Variants in PCCA observed in about 807,000 individuals in gnomAD.
PCCA encodes the protein propionyl-CoA carboxylase alpha chain, mitochondrial.
Under a neutral mutation model 101.3 loss-of-function variants are expected in PCCA, and 74 were observed. That is an observed-to-expected ratio of 0.73 (90% CI 0.61 to 0.89). The LOEUF is 0.89. Ranked by LOEUF, PCCA falls within the 40% of genes least tolerant of loss-of-function variation. PCCA has a pLI of 0.00. For synonymous variants in PCCA, 294 were observed against 313.6 expected, an observed-to-expected ratio of 0.94 and a Z score of 0.66; for missense variants, 891 against 907.0, an observed-to-expected ratio of 0.98 and a Z score of 0.23.
At chr13:100,338,241 G>T (rs2070787317) in intron 17 of PCCA, among the ~76,000 whole-genome samples, 1 of 152,140 alleles carries the variant, frequency 6.6e-6, no homozygotes, top group South Asian at 2.1e-4. Flanking sequence ...GAGAGCTTTT[G>T]TGATTATATA....
intron 12 of PCCA, among the ~76,000 whole-genome samples, chr13:100,286,793 T>C (rs926412541): frequency 3.9e-5 from 6 of 151,976 alleles, no homozygotes; most frequent in African/African-American, 1.2e-4. Flanking sequence ...AATACTCGTA[T>C]GAAAACATAA....
At chr13:100,341,973 A>ATATATATATATATATATATATG (rs1257478273) in intron 18 of PCCA, among the ~76,000 whole-genome samples, 10,147 of 120,476 alleles carry the variant, frequency 0.084, 716 homozygotes, top group Middle Eastern at 0.13. Context: ...ATATATATAT[A>ATATATATATATATATATATATG]TATATATATG....
chr13:100,513,916 C>G (rs2086652700), intron 21 of PCCA, among the ~76,000 whole-genome samples: 2 of 152,324 alleles, frequency 1.3e-5, no homozygotes, highest in African/African-American at 2.4e-5. Flanking sequence ...GATAGGAAAA[C>G]TGTGCAATTT....
chr13:100,300,771 A>G (rs1453409175), intron 12 of PCCA, among the ~76,000 whole-genome samples: 2 of 152,228 alleles, frequency 1.3e-5, no homozygotes, highest in African/African-American at 4.8e-5. Flanking sequence ...TTGTACATAC[A>G]TATCTCATGT....
chr13:100,442,776 T>A (rs2080475296), intron 20 of PCCA, among the ~76,000 whole-genome samples: 1 of 152,166 alleles, frequency 6.6e-6, no homozygotes, highest in South Asian at 2.1e-4. Flanking sequence ...TTAGCAAGGA[T>A]GGCTAGGAAG....
chr13:100,429,447 T>C (rs2079386171), intron 20 of PCCA, among the ~76,000 whole-genome samples: 1 of 152,134 alleles, frequency 6.6e-6, no homozygotes, highest in Non-Finnish European at 1.5e-5. Flanking sequence ...ATTACTATAG[T>C]AACTGTAGGT....
intron 6 of PCCA, among the ~76,000 whole-genome samples, chr13:100,161,896 A>G (rs1566610435): frequency 1.3e-5 from 2 of 152,270 alleles, no homozygotes; most frequent in South Asian, 4.2e-4. Flanking sequence ...TCCATTTTGG[A>G]CACAGACCTT....
intron 20 of PCCA, among the ~76,000 whole-genome samples, chr13:100,438,245 C>T (rs551782640): frequency 1.6e-3 from 237 of 152,080 alleles, no homozygotes; most frequent in Middle Eastern, 3.4e-3. Flanking sequence ...GCCTCAACCT[C>T]CCAGACTCAA....
rs655862 is a variant in PCCA at position 100,247,946 on chromosome 13, A to G, written c.638-9649A>G. Among the ~76,000 whole-genome samples, 185 of 152,196 alleles carry G rather than the reference A, an allele frequency of 1.2e-3. 1 individual carries two copies. Among genetic ancestry groups the G allele is most frequent in the African/African-American group, 4.3e-3 (177 of 41,504 alleles). ...TACAGTGTATCGTGTTTCCTTGGCT[A>G]TCAAAACATAATGACCAATTTTTGT... On this transcript the variant is annotated intron_variant, in intron 8 of 23. Transcript: ENST00000376285.
Position 100,301,546 on chromosome 13 carries a change from C to G in PCCA, c.1152C>G (p.His384Gln). 1 of 1,614,068 alleles carries G rather than the reference C, an allele frequency of 6.2e-7. No individual in the cohort carries two copies. The highest frequency in any genetic ancestry group is 8.5e-7 in the Non-Finnish European group (1 of 1,179,964). ...TTGCTAAGGGCTACCCTCTCAGGCA[C>G]AAACAAGCTGATATTCGCATCAACG... The part of the protein sequence containing the change: ...IRVAKGYPLR[H>Q]KQADIRINGW... Residue 384 changes from histidine (H) to glutamine (Q), a missense_variant, in exon 13 of 24, where the codon CAC (histidine) becomes CAG (glutamine). Transcript: ENST00000376285.
intron 6 of PCCA, among the ~76,000 whole-genome samples, chr13:100,163,872 A>G (rs541286826): frequency 1.3e-5 from 2 of 151,878 alleles, no homozygotes; most frequent in African/African-American, 2.4e-5. Context: ...AAATTTATCT[A>G]TTGGATCTAT....
chr13:100,352,066 C>T (rs554539929), intron 18 of PCCA, among the ~76,000 whole-genome samples: 7 of 151,586 alleles, frequency 4.6e-5, no homozygotes, highest in South Asian at 2.1e-4. Context: ...CAATAGAAAA[C>T]GTTGATTTAA....
intron 21 of PCCA, chr13:100,490,709 G>C (rs1267066184): frequency 4.6e-5 from 7 of 152,394 alleles, no homozygotes; most frequent in African/African-American, 1.2e-4. Context: ...CTTTCTGCCT[G>C]TTTGCAGCCA....
intron 21 of PCCA, among the ~76,000 whole-genome samples, chr13:100,492,874 C>T (rs2085004665): frequency 6.6e-6 from 1 of 151,684 alleles, no homozygotes; most frequent in African/African-American, 2.4e-5. Flanking sequence ...ATCATCTTCC[C>T]ACTCTGTCCC....
At position 100,373,555 on chromosome 13, in the gene PCCA, TAG is replaced by T. The variant is rs2075712376; in HGVS notation, c.1746+4985_1746+4986del. The stretch of plus-strand genomic sequence containing the variant: ...GAGGTACCTGGAGTAGTCAGACTGA[TAG>T]AGACAGAAACTAGATTGGTGGTTGC... On this transcript the variant is annotated intron_variant, in intron 19 of 23. Coordinates refer to ENST00000376285, the MANE Select transcript of PCCA (RefSeq NM_000282.4). Among the ~76,000 whole-genome samples the T allele has an allele frequency of 2.0e-5, 3 of 152,210 alleles. No individual in the cohort carries two copies. In the South Asian group the frequency reaches 6.2e-4, roughly 32 times the overall value.
At chr13:100,326,681 C>T (rs2152726131) in intron 16 of PCCA, among the ~76,000 whole-genome samples, 1 of 152,168 alleles carries the variant, frequency 6.6e-6, no homozygotes, top group Admixed American at 6.5e-5. Context: ...CCCTCCTCTT[C>T]CTCCTTCTCC....
chr13:100,315,601 T>G (rs893821002), intron 16 of PCCA, among the ~76,000 whole-genome samples: 2 of 152,220 alleles, frequency 1.3e-5, no homozygotes, highest in African/African-American at 4.8e-5. Context: ...TTAAAATGAA[T>G]TTCAAAATCC....
At chr13:100,186,738 C>CAAAAAAAAAAA (rs376028376) in intron 6 of PCCA, among the ~76,000 whole-genome samples, 10,976 of 81,844 alleles carry the variant, frequency 0.13, 730 homozygotes, top group Non-Finnish European at 0.18. Context: ...GATTCCATCT[C>CAAAAAAAAAAA]AAAAAAAAAA....
At chr13:100,520,490 C>A (rs1335546895) in intron 22 of PCCA, among the ~76,000 whole-genome samples, 1 of 151,938 alleles carries the variant, frequency 6.6e-6, no homozygotes, top group Non-Finnish European at 1.5e-5. Flanking sequence ...AAAAAATTAG[C>A]CGGGCGCAGT....
Sources: allele counts gnomAD v4.1 joint callset (sites outside exome capture counted in the v4.1 genomes callset), GRCh38; gene constraint gnomAD v4.1.1; transcripts MANE v1.5; gene names NCBI Gene and HGNC (gene_info 2026-07-23, HGNC 2026-07-21).